The following DOCK8 variants were observed in gnomAD, a reference collection of about 807,000 sequenced individuals.
The protein encoded by DOCK8 is dedicator of cytokinesis protein 8.
DOCK8 carries 141 observed loss-of-function variants against 245.6 expected under a neutral mutation model. That is an observed-to-expected ratio of 0.57 (90% CI 0.50 to 0.66). The LOEUF is 0.66. Among genes scored for constraint, DOCK8 ranks in the 30% least tolerant of loss-of-function variants. The probability of loss-of-function intolerance (pLI) is 0.00; values close to 1 mark genes in which losing one functional copy is unlikely to be tolerated. For synonymous variants in DOCK8, 1,168 were observed against 970.2 expected (o/e 1.20, Z -3.79); for missense variants, 2,965 against 2,603.4 (o/e 1.14, Z -3.02).
chr9:384,694 A>T (rs929345831), intron 22 of DOCK8, among the ~76,000 whole-genome samples: 3 of 152,222 alleles, frequency 2.0e-5, no homozygotes, highest in Non-Finnish European at 4.4e-5. Flanking sequence ...AGGCGGGCAG[A>T]TCACGAGGTC....
In DOCK8 at chr9:405,047, T is replaced by A; in HGVS notation, c.3364T>A (p.Ser1122Thr). The A allele has an allele frequency of 6.2e-7, 1 of 1,613,864 alleles. No homozygotes were observed. Among genetic ancestry groups the A allele is most frequent in the South Asian group, 1.1e-5 (1 of 91,074 alleles). Residue 1122 changes from serine (S) to threonine (T), a missense_variant, in exon 27 of 48, where the codon TCT becomes ACT. By Grantham distance (58) the Ser-to-Thr change is moderately conservative. This residue lies in a region of DOCK8 where 2,825 missense variants were observed against 2,453.5 expected (regional missense o/e 1.15). Transcript: ENST00000432829. Reference protein sequence around the residue: ...FFMNADTAPTSPCPSISSQNS... With the variant: ...FFMNADTAPTTPCPSISSQNS... ...TATGAATGCTGATACTGCTCCAACA[T>A]CTCCTTGTCCTTCCATATCTTCCCA...
chr9:374,281 C>T (rs1202145919), intron 18 of DOCK8, among the ~76,000 whole-genome samples: 1 of 152,076 alleles, frequency 6.6e-6, no homozygotes, highest in Non-Finnish European at 1.5e-5. Flanking sequence ...GAAAATATGG[C>T]TAGTTCAAAC....
intron 26 of DOCK8, among the ~76,000 whole-genome samples, chr9:401,169 T>C (rs1376957013): frequency 6.6e-6 from 1 of 151,386 alleles, no homozygotes; most frequent in Non-Finnish European, 1.5e-5. Context: ...TTTTTCCAAT[T>C]TTATGGGTCT....
At chr9:276,500 A>G (rs1030362086) in intron 2 of DOCK8, among the ~76,000 whole-genome samples, 9 of 152,018 alleles carry the variant, frequency 5.9e-5, no homozygotes, top group Non-Finnish European at 1.3e-4. Flanking sequence ...AATATTTTCA[A>G]ATTTTGCATT....
intron 11 of DOCK8, 73 bp downstream of exon 11, chr9:334,457 G>C: frequency 6.6e-7 from 1 of 1,516,576 alleles, no homozygotes; most frequent in Admixed American, 2.0e-5. Flanking sequence ...GCTTACTAGC[G>C]GGGACTGGGG....
At chr9:427,930 T>C (rs2131699799) in intron 34 of DOCK8, among the ~76,000 whole-genome samples, 1 of 152,372 alleles carries the variant, frequency 6.6e-6, no homozygotes, top group Middle Eastern at 3.4e-3. Flanking sequence ...GTTATTATCC[T>C]TGGTGTTGTT....
chr9:452,156 G>A (rs1432075167), intron 46 of DOCK8, 39 bp downstream of exon 46: 1 of 1,347,368 alleles, frequency 7.4e-7, no homozygotes. Flanking sequence ...GTAGAGCAGT[G>A]GTTCTCAAAG....
intron 7 of DOCK8, 45 bp downstream of exon 7, chr9:317,173 G>A (rs913569755): frequency 7.1e-7 from 1 of 1,410,154 alleles, no homozygotes; most frequent in Non-Finnish European, 1.0e-6. Flanking sequence ...GATTTATCTT[G>A]CCTTTTACAT....
chr9:366,205 C>G (rs1563969537), intron 14 of DOCK8: 1 of 153,772 alleles, frequency 6.5e-6, no homozygotes, highest in African/African-American at 2.4e-5. Context: ...ACCATCTGCA[C>G]CTCACTGATA....
chr9:336,508 T>TA, intron 11 of DOCK8, 74 bp from the exon 12 acceptor site: 2 of 1,590,084 alleles, frequency 1.3e-6, no homozygotes, highest in Non-Finnish European at 1.7e-6. Flanking sequence ...TAATCATACA[T>TA]ATTGTGAAGT....
Position 415,692 on chromosome 9 carries a change from G to GCACACACACACA in DOCK8, c.3700+748_3700+759dup, listed in dbSNP as rs140525484. Among the ~76,000 whole-genome samples the GCACACACACACA allele has an allele frequency of 2.1e-4, 31 of 151,088 alleles. No homozygotes were observed. In the East Asian group the frequency reaches 5.9e-3, roughly 29 times the overall value. On this transcript the variant is annotated intron_variant, in intron 29 of 47. Transcript: ENST00000432829. ...TGTGTGTGCACGTGTGTGCGCGCGT[G>GCACACACACACA]CACACACACACACACACAATTCCTA...
intron 15 of DOCK8, 168 bp from the exon 16 acceptor site, chr9:370,062 C>T: frequency 1.5e-6 from 1 of 670,642 alleles, no homozygotes; most frequent in African/African-American, 1.8e-5. Context: ...GCCGACCTCC[C>T]AGAGTGCTGA....
chr9:276,487 T>G (rs1304022438), intron 2 of DOCK8, among the ~76,000 whole-genome samples: 2 of 152,186 alleles, frequency 1.3e-5, no homozygotes, highest in Admixed American at 1.3e-4. Context: ...TCTAAGTAGA[T>G]AAAATATTTT....
At chr9:290,982 C>T (rs2049014409) in intron 4 of DOCK8, among the ~76,000 whole-genome samples, 1 of 152,076 alleles carries the variant, frequency 6.6e-6, no homozygotes. Flanking sequence ...AGTTAGATGC[C>T]AATCCATCAT....
chr9:395,641 C>T (rs2054415482), intron 24 of DOCK8, among the ~76,000 whole-genome samples: 1 of 151,680 alleles, frequency 6.6e-6, no homozygotes, highest in Non-Finnish European at 1.5e-5. Context: ...ACCACAAGAC[C>T]TTCTAGTCTT....
chr9:234,085 A>G (rs2047189011), intron 1 of DOCK8, among the ~76,000 whole-genome samples: 1 of 152,132 alleles, frequency 6.6e-6, no homozygotes, highest in African/African-American at 2.4e-5. Flanking sequence ...CTTGTAGGGC[A>G]GGCCTGGTGG....
In DOCK8 at chr9:429,685, C is replaced by T. The variant is rs761253000; in HGVS notation, c.4474-17C>T. 4 of 1,614,024 alleles carry T rather than the reference C, an allele frequency of 2.5e-6. No individual in the cohort carries two copies. In the East Asian group the frequency reaches 6.7e-5, roughly 27 times the overall value. The stretch of plus-strand genomic sequence containing the variant: ...AACTGCCAAGTGATGCCTAATGGCC[C>T]TTTATGTCTCTCCTAGTTTGGAGAC... On this transcript the variant is annotated splice_polypyrimidine_tract_variant and intron_variant, in intron 35 of 47. Coordinates refer to ENST00000432829, the MANE Select transcript of DOCK8 (RefSeq NM_203447.4).
chr9:284,868 A>G (rs2048745209), intron 2 of DOCK8, among the ~76,000 whole-genome samples: 1 of 152,198 alleles, frequency 6.6e-6, no homozygotes, highest in South Asian at 2.1e-4. Context: ...GCATGTTCTC[A>G]CTTATAAGTG....
intron 6 of DOCK8, among the ~76,000 whole-genome samples, chr9:315,453 A>G (rs940903761): frequency 1.6e-4 from 25 of 152,370 alleles, no homozygotes; most frequent in African/African-American, 5.0e-4. Flanking sequence ...ATTTAACAAA[A>G]TAACAGTAAA....
Sources: allele counts gnomAD v4.1 joint callset (sites outside exome capture counted in the v4.1 genomes callset), GRCh38; gene constraint gnomAD v4.1.1; regional missense constraint gnomAD v4.1.1; transcripts MANE v1.5; gene names NCBI Gene and HGNC (gene_info 2026-07-23, HGNC 2026-07-21).